The following N4BP2L2 variants were observed in gnomAD, a reference collection of about 807,000 sequenced individuals.
N4BP2L2 encodes the protein NEDD4-binding protein 2-like 2.
Under a neutral mutation model 56.2 loss-of-function variants are expected in N4BP2L2, and 50 were observed. The ratio of observed to expected loss-of-function variants is 0.89; its 90% CI spans 0.71 to 1.13. The LOEUF (loss-of-function observed/expected upper bound fraction) is 1.13. N4BP2L2 is among the 50% of genes most tolerant of loss of function. The probability of loss-of-function intolerance (pLI) is 0.00; values close to 1 mark genes in which losing one functional copy is unlikely to be tolerated. For synonymous variants in N4BP2L2, 203 were observed against 223.6 expected (o/e 0.91, Z 0.82); for missense variants, 689 against 693.8 (o/e 0.99, Z 0.08).
At chr13:32,495,098 GA>G (rs35542143) in intron 6 of N4BP2L2, among the ~76,000 whole-genome samples, 109,380 of 151,870 alleles carry the variant, frequency 0.72, 39,721 homozygotes, top group Non-Finnish European at 0.75. Flanking sequence ...ACCTATCCCA[GA>G]AAAAAAATCA....
intron 6 of N4BP2L2, among the ~76,000 whole-genome samples, chr13:32,461,329 C>T (rs2080029208): frequency 6.6e-6 from 1 of 152,040 alleles, no homozygotes; most frequent in African/African-American, 2.4e-5. Flanking sequence ...GAAGAGACAA[C>T]CTGATGAATG....
At chr13:32,464,392 T>C (rs1014259706) in intron 6 of N4BP2L2, among the ~76,000 whole-genome samples, 6 of 152,158 alleles carry the variant, frequency 3.9e-5, no homozygotes, top group African/African-American at 1.4e-4. Flanking sequence ...GAAAATATGT[T>C]TGTGTTTTTT....
chr13:32,476,787 C>A (rs1593702743), intron 6 of N4BP2L2, among the ~76,000 whole-genome samples: 1 of 152,280 alleles, frequency 6.6e-6, no homozygotes, highest in Admixed American at 6.5e-5. Context: ...TATAAAGATA[C>A]TTCTAAACTG....
At chr13:32,537,985 G>A (rs1330808718) in intron 1 of N4BP2L2, among the ~76,000 whole-genome samples, 1 of 148,334 alleles carries the variant, frequency 6.7e-6, no homozygotes, top group Non-Finnish European at 1.5e-5. Context: ...TGGGAGGATC[G>A]CTTGAACCCG....
At chr13:32,535,143 A>G (rs755506395) in intron 2 of N4BP2L2, among the ~76,000 whole-genome samples, 4 of 152,214 alleles carry the variant, frequency 2.6e-5, no homozygotes, top group Non-Finnish European at 5.9e-5. Context: ...CCAATTCCAG[A>G]AAAAGTAAGT....
chr13:32,468,737 C>A (rs2081720756), intron 6 of N4BP2L2, among the ~76,000 whole-genome samples: 1 of 152,168 alleles, frequency 6.6e-6, no homozygotes, highest in Non-Finnish European at 1.5e-5. Context: ...GGGCTCGGAG[C>A]CACTATTCTT....
chr13:32,497,362 G>C (rs963697424), intron 6 of N4BP2L2, among the ~76,000 whole-genome samples: 1 of 152,164 alleles, frequency 6.6e-6, no homozygotes, highest in Non-Finnish European at 1.5e-5. Flanking sequence ...CATCAGAGAG[G>C]CCTCCTTGCT....
chr13:32,503,172 C>CA (rs35773755), intron 6 of N4BP2L2, among the ~76,000 whole-genome samples: 6,462 of 57,576 alleles, frequency 0.11, 587 homozygotes, highest in East Asian at 0.12. Context: ...GACTCTGTAG[C>CA]AAAAAAAAAA....
chr13:32,532,409 A>G (rs912369354), intron 2 of N4BP2L2, among the ~76,000 whole-genome samples: 3 of 151,992 alleles, frequency 2.0e-5, no homozygotes, highest in Admixed American at 6.6e-5. Context: ...TCCTTTATCC[A>G]TCTAGAAGTT....
rs1309012293 is a variant in N4BP2L2, at chr13:32,535,775, A to T, written c.1253T>A (p.Leu418Ter). 6.2e-7 allele frequency: 1 copy of T among 1,612,644 alleles called. No individual in the cohort carries two copies. The highest frequency in any genetic ancestry group is 1.7e-5 in the Admixed American group (1 of 59,786). ...GTTGGTATCCTTTACTTACCGAGAC[A>T]ATGTTGTTTTCCCAGAACCAGGCAG... Residue 418 changes from leucine to a stop codon, truncating the protein, a stop_gained, in exon 2 of 6, where the codon TTG becomes TAG. Coordinates refer to ENST00000267068, the Ensembl canonical transcript of N4BP2L2. LOFTEE classifies it high-confidence loss of function.
intron 6 of N4BP2L2, among the ~76,000 whole-genome samples, chr13:32,474,425 C>A (rs2082878389): frequency 1.3e-5 from 2 of 151,954 alleles, no homozygotes; most frequent in Admixed American, 1.3e-4. Context: ...CACAGTGGCT[C>A]ACGCCTGTAA....
rs140087375 is a variant in N4BP2L2 at position 32,478,131 on chromosome 13, G to A, written c.366-34005C>T. On this transcript the variant is annotated intron_variant, in intron 6 of 9. Coordinates refer to the N4BP2L2 transcript ENST00000357505. ...GCATTATAAAGTAAATAACGTCTAC[G>A]CCATGGCCAGAACATTCAATCTCAA... 82 of 1,097,986 alleles carry A rather than the reference G, an allele frequency of 7.5e-5. 2 individuals are homozygous for A. The East Asian group carries it at 3.7e-3, about 49-fold the overall frequency. 68.0% of individuals were successfully genotyped at this position (1,097,986 alleles called of 1,614,324 possible).
Position 32,442,397 on chromosome 13 carries a change from C to T in N4BP2L2, c.2095G>A (p.Val699Ile), listed in dbSNP as rs764573091. 1.4e-5 allele frequency: 22 copies of T among 1,582,976 alleles called. No individual in the cohort carries two copies. The Admixed American group carries it at 1.5e-4, about 11-fold the overall frequency. Residue 699 changes from valine (V) to isoleucine (I), a missense_variant, in exon 7 of 10, where the codon GTT becomes ATT. Val to Ile is a conservative substitution (Grantham distance 29, BLOSUM62 3). Transcript: ENST00000357505. The stretch of plus-strand genomic sequence containing the variant: ...AAAGAAAACAACTTACCCATTGGAA[C>T]GCCTGGAGATCCAAAAAGCTTTACT...
chr13:32,533,771 A>T (rs911247921), intron 2 of N4BP2L2, among the ~76,000 whole-genome samples: 2 of 151,894 alleles, frequency 1.3e-5, no homozygotes, highest in African/African-American at 4.8e-5. Context: ...AATCAGCTCA[A>T]CTCTGATCTA....
downstream of N4BP2L2, chr13:32,508,700 T>C (rs1224599815): frequency 6.6e-6 from 1 of 152,212 alleles, no homozygotes; most frequent in Non-Finnish European, 1.5e-5. Flanking sequence ...TGTAAAGATA[T>C]CCATCAGTAC....
chr13:32,511,201 T>C (rs1001024760), exon 6 of N4BP2L2: 1 of 152,224 alleles, frequency 6.6e-6, no homozygotes, highest in African/African-American at 2.4e-5. Flanking sequence ...CTGATGGGCA[T>C]TAAATAAGCA....
intron 6 of N4BP2L2, among the ~76,000 whole-genome samples, chr13:32,463,689 C>T (rs2080662437): frequency 6.8e-6 from 1 of 146,918 alleles, no homozygotes; most frequent in Non-Finnish European, 1.5e-5. Flanking sequence ...AAAGGGGGCA[C>T]TTATAAGAGA....
chr13:32,521,900 G>C (rs1328928456), intron 4 of N4BP2L2: 5 of 338,232 alleles, frequency 1.5e-5, no homozygotes, highest in African/African-American at 1.1e-4. Context: ...CGCTTCAACT[G>C]GGGAGGCGGA....
chr13:32,534,141 A>T lies in N4BP2L2; in HGVS notation c.1259+1628T>A, dbSNP rs80039951. ...AACCCATTGCACAAGATTTTTATATATGAAAATACTCTGTAAATTGTGAAT... is the reference window on the plus strand; with the variant it reads ...AACCCATTGCACAAGATTTTTATATTTGAAAATACTCTGTAAATTGTGAAT... On this transcript the variant is annotated intron_variant, in intron 2 of 5. Transcript: ENST00000267068. 2.2e-4 allele frequency among the ~76,000 whole-genome samples: 33 copies of T among 152,364 alleles called. No homozygotes were observed. The East Asian group carries it at 4.8e-3, about 22-fold the overall frequency.
Sources: allele counts gnomAD v4.1 joint callset (sites outside exome capture counted in the v4.1 genomes callset), GRCh38; gene constraint gnomAD v4.1.1; transcripts MANE v1.5; gene names NCBI Gene and HGNC (gene_info 2026-07-23, HGNC 2026-07-21).